The following MAGEF1 variants were observed in gnomAD, a reference collection of about 807,000 sequenced individuals.
MAGEF1 encodes melanoma-associated antigen F1.
For missense variants in MAGEF1, 418 were observed against 399.5 expected (o/e 1.05, Z -0.39); for synonymous variants, 150 against 163.6 (o/e 0.92, Z 0.63).
In MAGEF1 at chr3:184,711,544, T is replaced by C. The variant is rs34540780; in HGVS notation, c.278A>G (p.Lys93Arg). The C allele has an allele frequency of 2.3e-3, 3,744 of 1,614,224 alleles. 4 individuals carry two copies. Among genetic ancestry groups the C allele is most frequent in the Non-Finnish European group, 2.9e-3 (3,451 of 1,180,042 alleles). The change falls in exon 1 of 1, where the codon AAG becomes AGG. Residue 93 changes from lysine (K) to arginine (R), a missense_variant. Lys to Arg is a conservative substitution (Grantham distance 26). Transcript: ENST00000317897. ...LVQFLLVKDKKKSPITRSEMV... is the reference protein window; with the variant it reads ...LVQFLLVKDKRKSPITRSEMV... The stretch of plus-strand genomic sequence containing the variant: ...CTCCGAGCGTGTGATGGGACTCTTC[T>C]TCTTGTCTTTCACCAGGAGGAACTG...
Position 184,711,962 on chromosome 3 carries a change from T to TGGGCC in MAGEF1, c.-146_-142dup. On this transcript the variant is annotated 5_prime_UTR_variant, in exon 1 of 1. Transcript: ENST00000317897. ...ATGGCAGCGGGAGCTTTGTGGCTGC[T>TGGGCC]GGGCCGCACCGCACGGGAGTCAAAC... 1 of 1,305,376 alleles carries TGGGCC rather than the reference T, an allele frequency of 7.7e-7. No homozygotes were observed. The highest frequency in any genetic ancestry group is 9.8e-7 in the Non-Finnish European group (1 of 1,015,356). 80.9% of individuals were successfully genotyped at this position (1,305,376 alleles called of 1,614,324 possible). A position where few individuals can be genotyped will look rare whatever the true frequency, so the allele number is the denominator to read the frequency against.
chr3:184,711,040 AG>A, the MAGEF1 span: 4 of 1,614,058 alleles, frequency 2.5e-6, no homozygotes, highest in Middle Eastern at 1.6e-4. Flanking sequence ...CTTCTTATGC[AG>A]TTTGGCCACG....
chr3:184,710,717 C>G lies in MAGEF1; in HGVS notation c.*181G>C, dbSNP rs1397633288. ...CCTACAGGAAAAAGTAGACCAATCT[C>G]ATTTACAAACAGCATTTTAACAGTA... On this transcript the variant is annotated 3_prime_UTR_variant, in exon 1 of 1. Coordinates refer to ENST00000317897, the MANE Select transcript of MAGEF1 (RefSeq NM_022149.5). 9.9e-7 allele frequency: 1 copy of G among 1,010,224 alleles called. No individual in the cohort carries two copies. The highest frequency in any genetic ancestry group is 1.6e-5 in the African/African-American group (1 of 60,830). The allele number at this position is 1,010,224 out of a possible 1,614,324, so 62.6% of individuals were successfully genotyped here. A position where few individuals can be genotyped will look rare whatever the true frequency, so the allele number is the denominator to read the frequency against.
chr3:184,710,944 C>T lies in MAGEF1; in HGVS notation c.878G>A (p.Ser293Asn). The T allele has an allele frequency of 6.2e-7, 1 of 1,611,314 alleles. No homozygotes were observed. The highest frequency in any genetic ancestry group is 8.5e-7 in the Non-Finnish European group (1 of 1,178,172). Residue 293 changes from serine (S) to asparagine (N), a missense_variant, in exon 1 of 1, where the codon AGT becomes AAT. Ser to Asn is a conservative substitution (Grantham distance 46). Coordinates refer to ENST00000317897, the MANE Select transcript of MAGEF1 (RefSeq NM_022149.5). Reference protein sequence around the residue: ...RARAKARAEASMRARASARAG... With the variant: ...RARAKARAEANMRARASARAG... ...CCTAGCACTGGCCCTGGCCCTCATA[C>T]TGGCTTCAGCTCTGGCCTTGGCTCT...
Position 184,710,968 on chromosome 3 carries a change from C to G in MAGEF1, c.854G>C (p.Arg285Thr), listed in dbSNP as rs1424239011. 1 of 1,614,036 alleles carries G rather than the reference C, an allele frequency of 6.2e-7. No individual in the cohort carries two copies. The highest frequency in any genetic ancestry group is 1.7e-5 in the Admixed American group (1 of 60,014). Reference protein sequence around the residue: ...EALADEADRARAKARAEASMR... With the variant: ...EALADEADRATAKARAEASMR... ...ACTGGCTTCAGCTCTGGCCTTGGCT[C>G]TGGCCCTGTCGGCCTCGTCTGCTAG... The change falls in exon 1 of 1, where the codon AGA becomes ACA. Residue 285 changes from arginine to threonine, a missense_variant. By Grantham distance (71) the Arg-to-Thr change is moderately conservative. Coordinates refer to ENST00000317897, the MANE Select transcript of MAGEF1 (RefSeq NM_022149.5).
rs1336873685 is a variant in MAGEF1, at chr3:184,712,034, T to C, written c.-213A>G. ...CAGCCGGAACCTGCGGCGCGCAGCC[T>C]CAGTCCGCGCCCGCGCGAGGGGCCA... On this transcript the variant is annotated 5_prime_UTR_variant, in exon 1 of 1. Coordinates refer to ENST00000317897, the MANE Select transcript of MAGEF1 (RefSeq NM_022149.5). The C allele has an allele frequency of 6.3e-5, 56 of 895,226 alleles. No individual in the cohort carries two copies. The highest frequency in any genetic ancestry group is 7.9e-5 in the Non-Finnish European group (52 of 658,296). The allele number at this position is 895,226 out of a possible 1,614,324, so 55.5% of individuals were successfully genotyped here. A position where few individuals can be genotyped will look rare whatever the true frequency, so the allele number is the denominator to read the frequency against.
At position 184,710,595 on chromosome 3, in the gene MAGEF1, C is replaced by A. The variant is rs554611797; in HGVS notation, c.*303G>T. ...GTTCCTTCAAACCATCAAAGTACAG[C>A]CTTCCTTCCAATGTTGCATAATCTG... On this transcript the variant is annotated 3_prime_UTR_variant, in exon 1 of 1. Coordinates refer to ENST00000317897, the MANE Select transcript of MAGEF1 (RefSeq NM_022149.5). The A allele has an allele frequency of 7.5e-6, 2 of 265,492 alleles. No homozygotes were observed. The highest frequency in any genetic ancestry group is 1.4e-4 in the South Asian group (1 of 7,102). The allele number at this position is 265,492 out of a possible 1,614,324, so 16.4% of individuals were successfully genotyped here.
rs565130177 is a variant in MAGEF1 at position 184,711,680 on chromosome 3, C to T, written c.142G>A (p.Gly48Arg). 6.3e-6 allele frequency: 10 copies of T among 1,582,778 alleles called. No homozygotes were observed. The South Asian group carries it at 9.1e-5, about 14-fold the overall frequency. ...CGGGTGAGGGCGGGCTCCGCAGCCC[C>T]CTCCTCCCTCCCGGCGCCAAGCTCC... is the stretch of plus-strand genomic sequence containing the variant. ...KEELGAGREE[G>R]AAEPALTRKG... Residue 48 changes from glycine to arginine, a missense_variant, in exon 1 of 1, where the codon GGG becomes AGG. By Grantham distance (125) the Gly-to-Arg change is moderately radical. Coordinates refer to ENST00000317897, the MANE Select transcript of MAGEF1 (RefSeq NM_022149.5).
chr3:184,711,354 C>CTCG lies in MAGEF1; in HGVS notation c.467_468insCGA (p.Glu155_Glu156insAsp), dbSNP rs772297514. 75 of 1,613,228 alleles carry CTCG rather than the reference C, an allele frequency of 4.6e-5. No individual in the cohort carries two copies. The South Asian group carries it at 6.2e-4, about 13-fold the overall frequency. On this transcript the variant is annotated inframe_insertion, in exon 1 of 1. Transcript: ENST00000317897. ...GGCCATCTCCTCCCAGATCCTCCTC[C>CTCG]TCCTCCTCCTCCAGAGGTTTTAGTT...
chr3:184,711,923 G>C lies in MAGEF1; in HGVS notation c.-102C>G. ...GGTTGGACAGCGGCAGTGACGGCGG[G>C]AGTACAAGGAGCAATGGCAGCGGGA... On this transcript the variant is annotated 5_prime_UTR_variant, in exon 1 of 1. Coordinates refer to ENST00000317897, the MANE Select transcript of MAGEF1 (RefSeq NM_022149.5). 1 of 1,403,398 alleles carries C rather than the reference G, an allele frequency of 7.1e-7. No individual in the cohort carries two copies. The highest frequency in any genetic ancestry group is 9.3e-7 in the Non-Finnish European group (1 of 1,078,652). The allele number at this position is 1,403,398 out of a possible 1,614,324, so 86.9% of individuals were successfully genotyped here.
At position 184,711,599 on chromosome 3, in the gene MAGEF1, G is replaced by T. The variant is rs757155613; in HGVS notation, c.223C>A (p.Arg75=). The change falls in exon 1 of 1, where the codon CGG becomes AGG. Residue 75 remains arginine, a synonymous_variant. Coordinates refer to ENST00000317897, the MANE Select transcript of MAGEF1 (RefSeq NM_022149.5). ...KALARRRAYR[R]LNRTVAELVQ... ...AACTCCGCCACCGTCCGATTCAGCC[G>T]GCGGTAGGCCCTGCGCCTTGCCAAG... The T allele has an allele frequency of 1.1e-5, 17 of 1,613,274 alleles. No homozygotes were observed. Among genetic ancestry groups the T allele is most frequent in the Non-Finnish European group, 1.4e-5 (17 of 1,180,040 alleles).
Position 184,712,056 on chromosome 3 carries a change from GC to G in MAGEF1, c.-236del. 1.7e-6 allele frequency: 1 copy of G among 589,180 alleles called. No homozygotes were observed. The highest frequency in any genetic ancestry group is 2.6e-6 in the Non-Finnish European group (1 of 387,024). The allele number at this position is 589,180 out of a possible 1,614,324, so 36.5% of individuals were successfully genotyped here. ...GCCTCAGTCCGCGCCCGCGCGAGGG[GC>G]CACTTCCGGCCACCTCAGCCAGGAC... On this transcript the variant is annotated 5_prime_UTR_variant, in exon 1 of 1. Coordinates refer to ENST00000317897, the MANE Select transcript of MAGEF1 (RefSeq NM_022149.5).
chr3:184,710,405 C>CTTAAT lies in MAGEF1; in HGVS notation c.*492_*493insATTAA, dbSNP rs1712180315. On this transcript the variant is annotated 3_prime_UTR_variant, in exon 1 of 1. Coordinates refer to ENST00000317897, the MANE Select transcript of MAGEF1 (RefSeq NM_022149.5). ...AATTTATTAAGTGTGCCAGGGTATA[C>CTTAAT]TGCTAACTCATTGCATTTTAATTTT... 1 of 152,842 alleles carries CTTAAT rather than the reference C, an allele frequency of 6.5e-6. No individual in the cohort carries two copies. Among genetic ancestry groups the CTTAAT allele is most frequent in the African/African-American group, 2.4e-5 (1 of 41,464 alleles). 9.5% of individuals were successfully genotyped at this position (152,842 alleles called of 1,614,324 possible).
Position 184,711,192 on chromosome 3 carries a change from C to T in MAGEF1, c.630G>A (p.Pro210=). 6 of 1,614,164 alleles carry T rather than the reference C, an allele frequency of 3.7e-6. No homozygotes were observed. The highest frequency in any genetic ancestry group is 3.4e-6 in the Non-Finnish European group (4 of 1,180,010). ...PSKYHFLFGY[P]KRLIMEDFVQ... is the part of the protein sequence containing the mutation. ...CAAAATCTTCCATAATAAGCCTCTT[C>T]GGATACCCAAAGAGGAAATGATACT... The change falls in exon 1 of 1, where the codon CCG becomes CCA. Residue 210 remains proline, a synonymous_variant. Coordinates refer to ENST00000317897, the MANE Select transcript of MAGEF1 (RefSeq NM_022149.5).
the MAGEF1 span, chr3:184,711,126 GGT>G: frequency 6.2e-7 from 1 of 1,614,108 alleles, no homozygotes; most frequent in Non-Finnish European, 8.5e-7. Context: ...CTGGTGGATT[GGT>G]GTGAGGCACC....
rs772459978 is a variant in MAGEF1 at position 184,711,741 on chromosome 3, G to A, written c.81C>T (p.Thr27=). Residue 27 remains threonine (T), a synonymous_variant, in exon 1 of 1, where the codon ACC becomes ACT. Transcript: ENST00000317897. ...GEKDGGHDGE[T]RAPTASQERP... ...GCTCCTGCGAGGCGGTCGGGGCCCG[G>A]GTCTCACCATCATGGCCGCCATCCT... 72 of 1,528,390 alleles carry A rather than the reference G, an allele frequency of 4.7e-5. No individual in the cohort carries two copies. In the Middle Eastern group the frequency reaches 1.2e-3, roughly 26 times the overall value. 94.7% of individuals were successfully genotyped at this position (1,528,390 alleles called of 1,614,324 possible).
rs374571592 is a variant in MAGEF1, at chr3:184,711,185, G to C, written c.637C>G (p.Leu213Val). The C allele has an allele frequency of 6.2e-7, 1 of 1,614,148 alleles. No homozygotes were observed. The highest frequency in any genetic ancestry group is 1.3e-5 in the African/African-American group (1 of 75,018). ...YHFLFGYPKR[L>V]IMEDFVQQRY... is the part of the protein sequence containing the mutation. ...TGCTGCACAAAATCTTCCATAATAA[G>C]CCTCTTCGGATACCCAAAGAGGAAA... is the stretch of plus-strand genomic sequence containing the variant. The change falls in exon 1 of 1, where the codon CTT (leucine) becomes GTT (valine). Residue 213 changes from leucine to valine, a missense_variant. Coordinates refer to ENST00000317897, the MANE Select transcript of MAGEF1 (RefSeq NM_022149.5).
Position 184,711,550 on chromosome 3 carries a change from T to C in MAGEF1, c.272A>G (p.Asp91Gly). 1 of 1,614,218 alleles carries C rather than the reference T, an allele frequency of 6.2e-7. No homozygotes were observed. ...AELVQFLLVK[D>G]KKKSPITRSE... ...GCGTGTGATGGGACTCTTCTTCTTG[T>C]CTTTCACCAGGAGGAACTGCACCAA... The change falls in exon 1 of 1, where the codon GAC (aspartate) becomes GGC (glycine). Residue 91 changes from aspartate (D) to glycine (G), a missense_variant. Coordinates refer to ENST00000317897, the MANE Select transcript of MAGEF1 (RefSeq NM_022149.5).
chr3:184,711,422 T>A, the MAGEF1 span: 7 of 1,614,208 alleles, frequency 4.3e-6, no homozygotes, highest in Non-Finnish European at 5.9e-6. Flanking sequence ...TCAAACTGTT[T>A]CAGCTCAAAA....
Sources: allele counts gnomAD v4.1 joint callset, GRCh38; gene constraint gnomAD v4.1.1; transcripts MANE v1.5; gene names NCBI Gene and HGNC (gene_info 2026-07-23, HGNC 2026-07-21).